Variants in ODF2 observed in about 807,000 individuals in gnomAD.
ODF2 encodes the protein outer dense fiber of sperm tails 2.
ODF2 carries 47 observed loss-of-function variants against 110.2 expected under a neutral mutation model. The observed-to-expected ratio is 0.43, with a 90% confidence interval of 0.34 to 0.54. The LOEUF is 0.54. Ranked by LOEUF, ODF2 falls within the 20% of genes least tolerant of loss-of-function variation. The pLI is 0.03. For missense variants in ODF2, 812 were observed against 1,054.5 expected, an observed-to-expected ratio of 0.77 and a Z score of 3.19; for synonymous variants, 352 against 397.7, an observed-to-expected ratio of 0.89 and a Z score of 1.37.
At chr9:128,466,663 ATATT>A (rs1365303155) in intron 4 of ODF2, among the ~76,000 whole-genome samples, 11 of 149,452 alleles carry the variant, frequency 7.4e-5, no homozygotes, top group Admixed American at 2.0e-4. Flanking sequence ...ATATATATAT[ATATT>A]TGTCATTTTA....
chr9:128,481,486 AT>A, intron 8 of ODF2, 93 bp from the exon 9 acceptor site: 22 of 1,009,750 alleles, frequency 2.2e-5, no homozygotes, highest in South Asian at 3.2e-5. Flanking sequence ...AAAAAAAAAA[AT>A]ACAATTTTTG....
intron 18 of ODF2, 38 bp from the exon 19 acceptor site, chr9:128,498,374 TG>T: frequency 6.7e-7 from 1 of 1,496,362 alleles, no homozygotes; most frequent in Non-Finnish European, 8.9e-7. Context: ...CATGACAGGT[TG>T]GGGTATGCCC....
chr9:128,463,998 C>T (rs577775214), intron 4 of ODF2, among the ~76,000 whole-genome samples: 50 of 152,038 alleles, frequency 3.3e-4, no homozygotes, highest in African/African-American at 1.1e-3. Flanking sequence ...GCACGCACCA[C>T]CACACCTGGC....
At chr9:128,477,059 C>T (rs929051376) in intron 8 of ODF2, among the ~76,000 whole-genome samples, 1 of 151,718 alleles carries the variant, frequency 6.6e-6, no homozygotes, top group Non-Finnish European at 1.5e-5. Flanking sequence ...GCCTGGCCAA[C>T]ATGGTGACAC....
At chr9:128,468,490 AT>A (rs1838868228) in intron 4 of ODF2, among the ~76,000 whole-genome samples, 1 of 151,906 alleles carries the variant, frequency 6.6e-6, no homozygotes, top group Non-Finnish European at 1.5e-5. Flanking sequence ...CAGCCTCCTG[AT>A]TAGTTGAGAT....
At chr9:128,488,013 T>C in exon 14 of ODF2, 1 of 1,613,686 alleles carries the variant, frequency 6.2e-7, no homozygotes, top group Non-Finnish European at 8.5e-7. Flanking sequence ...AGCTGGAGAA[T>C]GAGAGGCTGA....
intron 6 of ODF2, 42 bp from the exon 7 acceptor site, chr9:128,472,870 CG>C: frequency 6.2e-7 from 1 of 1,610,736 alleles, no homozygotes; most frequent in Non-Finnish European, 8.5e-7. Flanking sequence ...TCTGGGCATG[CG>C]GGGGCCTGGG....
In ODF2 at chr9:128,459,415, G is replaced by T. The variant is rs540664697; in HGVS notation, c.33-152G>T. 3.9e-4 allele frequency: 239 copies of T among 618,314 alleles called. 1 individual carries two copies. In the African/African-American group the frequency reaches 4.2e-3, roughly 11 times the overall value. The allele number at this position is 618,314 out of a possible 1,614,324, so 38.3% of individuals were successfully genotyped here. A position where few individuals can be genotyped will look rare whatever the true frequency, so the allele number is the denominator to read the frequency against. ...CTGCTGGGCACACCACGCACATCTG[G>T]TGCTCATCTCAGGGGAGTCAAGGAA... is the stretch of plus-strand genomic sequence containing the variant. On this transcript the variant is annotated intron_variant, in intron 2 of 20. Transcript: ENST00000604420.
chr9:128,477,199 C>G (rs1554836043), intron 8 of ODF2, among the ~76,000 whole-genome samples: 1 of 150,346 alleles, frequency 6.7e-6, no homozygotes, highest in Admixed American at 6.6e-5. Context: ...CACCACTATA[C>G]TCCAGCCTGG....
chr9:128,455,612 C>G (rs1227485034), upstream of ODF2, among the ~76,000 whole-genome samples: 1 of 119,142 alleles, frequency 8.4e-6, no homozygotes, highest in Non-Finnish European at 1.7e-5. Context: ...AGGTAGTGAA[C>G]AGAACAGCAA....
Position 128,472,926 on chromosome 9 carries a change from CACCT to C in ODF2, c.598_601del (p.Leu200AsnfsTer28). The C allele has an allele frequency of 6.2e-7, 1 of 1,614,046 alleles. No individual in the cohort carries two copies. The highest frequency in any genetic ancestry group is 8.5e-7 in the Non-Finnish European group (1 of 1,179,972). Reference sequence around the variant, plus strand: ...TTCTGGCCCCAGACTTCAGAAGAAACACCTACAACAGGAGAAGGAGTGCCTCATG... The same window carrying C: ...TTCTGGCCCCAGACTTCAGAAGAAACACAACAGGAGAAGGAGTGCCTCATG... On this transcript the variant is annotated frameshift_variant, in exon 7 of 21. Coordinates refer to ENST00000604420, the Ensembl canonical transcript of ODF2. LOFTEE classifies it high-confidence loss of function.
At chr9:128,459,644 G>T (rs748641943) in exon 3 of ODF2, 1 of 1,613,596 alleles carries the variant, frequency 6.2e-7, no homozygotes, top group South Asian at 1.1e-5. Flanking sequence ...GGCGCACCCA[G>T]TGTAACTGTG....
chr9:128,487,515 C>T (rs1233873224), intron 13 of ODF2, among the ~76,000 whole-genome samples: 1 of 151,990 alleles, frequency 6.6e-6, no homozygotes, highest in Non-Finnish European at 1.5e-5. Flanking sequence ...TGGCCGGGTG[C>T]GGTGGCTCAC....
At chr9:128,469,518 C>T in intron 5 of ODF2, 165 bp downstream of exon 5, 1 of 658,842 alleles carries the variant, frequency 1.5e-6, no homozygotes, top group Non-Finnish European at 2.6e-6. Flanking sequence ...GCTGGGGCAG[C>T]ATGGGATCCC....
intron 17 of ODF2, 117 bp from the exon 18 acceptor site, chr9:128,495,924 G>C: frequency 8.3e-7 from 1 of 1,209,790 alleles, no homozygotes; most frequent in Non-Finnish European, 1.2e-6. Flanking sequence ...TTGAGACTTG[G>C]ACACCTGCTG....
intron 8 of ODF2, among the ~76,000 whole-genome samples, 154 bp from the exon 9 acceptor site, chr9:128,481,426 A>G (rs1478071597): frequency 6.6e-6 from 1 of 151,938 alleles, no homozygotes; most frequent in Non-Finnish European, 1.5e-5. Flanking sequence ...GCAGTGAGCC[A>G]TGATTGCACC....
At chr9:128,456,309 G>T in intron 1 of ODF2, 54 bp downstream of exon 1, 2 of 1,488,922 alleles carry the variant, frequency 1.3e-6, no homozygotes, top group South Asian at 2.6e-5. Flanking sequence ...CCGCGGGCGA[G>T]ACCGTCGCCT....
chr9:128,457,184 C>G lies in ODF2; in HGVS notation c.-208-14C>G, dbSNP rs780044239. 26 of 1,533,346 alleles carry G rather than the reference C, an allele frequency of 1.7e-5. No individual in the cohort carries two copies. In the African/African-American group the frequency reaches 2.9e-4, roughly 17 times the overall value. The allele number at this position is 1,533,346 out of a possible 1,614,324, so 95.0% of individuals were successfully genotyped here. On this transcript the variant is annotated splice_polypyrimidine_tract_variant and intron_variant, in intron 1 of 20. Coordinates refer to ENST00000604420, the Ensembl canonical transcript of ODF2. ...AGGTCGCTCAGCCTCTACTATTTCC[C>G]CCTACTTTGGCAGGACAGTTGCTGT...
intron 18 of ODF2, 104 bp from the exon 19 acceptor site, chr9:128,498,309 G>C: frequency 7.2e-7 from 1 of 1,395,302 alleles, no homozygotes; most frequent in Middle Eastern, 2.7e-4. Flanking sequence ...GGAGATTCTT[G>C]GCATGATGAG....
Sources: allele counts gnomAD v4.1 joint callset (sites outside exome capture counted in the v4.1 genomes callset), GRCh38; gene constraint gnomAD v4.1.1; transcripts MANE v1.5; gene names NCBI Gene and HGNC (gene_info 2026-07-23, HGNC 2026-07-21).